Variants in KIAA1549L observed in about 807,000 individuals in gnomAD.
KIAA1549L encodes KIAA1549 like, also known as UPF0606 protein KIAA1549L.
In KIAA1549L, 88 loss-of-function variants were observed where a neutral mutation model predicts 160.7. The observed-to-expected ratio is 0.55, with a 90% CI of 0.46 to 0.65. The LOEUF (loss-of-function observed/expected upper bound fraction) is 0.65. KIAA1549L is among the 30% of genes least tolerant of loss of function. The pLI, the probability that KIAA1549L is intolerant of heterozygous loss-of-function variation, is 0.00. For synonymous variants in KIAA1549L, 950 were observed against 976.7 expected (o/e 0.97, Z 0.51); for missense variants, 2,258 against 2,437.5 (o/e 0.93, Z 1.55).
rs773237989 is a variant in KIAA1549L, at chr11:33,598,925, G to C, written c.4857G>C (p.Lys1619Asn). 10 of 1,613,550 alleles carry C rather than the reference G, an allele frequency of 6.2e-6. No homozygotes were observed. The highest frequency in any genetic ancestry group is 3.3e-5 in the Admixed American group (2 of 60,000). ...TAATGGCACAGCAGAAAGTGACAAA[G>C]GAGGAGGCAAGGAAGAGAAATGGTG... ...QNVMAQQKVT[K>N]EEARKRNVPA... is the part of the protein sequence containing the mutation. Residue 1619 changes from lysine to asparagine, a missense_variant, in exon 13 of 21, where the codon AAG becomes AAC. This residue lies in a region of KIAA1549L where 1,359 missense variants were observed against 1,546.6 expected (regional missense o/e 0.88). Transcript: ENST00000658780.
At chr11:33,568,937 C>T (rs1022551855) in intron 9 of KIAA1549L, among the ~76,000 whole-genome samples, 17 of 152,334 alleles carry the variant, frequency 1.1e-4, no homozygotes, top group African/African-American at 4.1e-4. Flanking sequence ...GTTCTCTTGG[C>T]TGGGAGAATT....
intron 1 of KIAA1549L, among the ~76,000 whole-genome samples, chr11:33,466,363 G>T (rs1200705014): frequency 1.3e-5 from 2 of 152,142 alleles, no homozygotes; most frequent in African/African-American, 4.8e-5. Flanking sequence ...AGACATATGA[G>T]AAAATGCTCA....
At chr11:33,653,991 T>TTG (rs1361496992) in intron 17 of KIAA1549L, among the ~76,000 whole-genome samples, 5 of 150,218 alleles carry the variant, frequency 3.3e-5, no homozygotes, top group East Asian at 2.0e-4. Context: ...TTATTATTTT[T>TTG]AGACGGAGTC....
intron 11 of KIAA1549L, among the ~76,000 whole-genome samples, chr11:33,590,363 C>T (rs1037196298): frequency 3.3e-5 from 5 of 152,206 alleles, no homozygotes; most frequent in African/African-American, 1.2e-4. Flanking sequence ...CACTTTTACC[C>T]ACCACACTGT....
At chr11:33,518,526 T>C (rs966941295) in intron 1 of KIAA1549L, among the ~76,000 whole-genome samples, 1 of 152,224 alleles carries the variant, frequency 6.6e-6, no homozygotes, top group African/African-American at 2.4e-5. Flanking sequence ...TTTGTGTTCA[T>C]CTGTTCTTTT....
intron 1 of KIAA1549L, among the ~76,000 whole-genome samples, chr11:33,537,184 C>CT (rs1853914297): frequency 6.6e-6 from 1 of 152,214 alleles, no homozygotes; most frequent in Admixed American, 6.5e-5. Flanking sequence ...TCCCTACCCT[C>CT]TTTGCTTGGT....
chr11:33,511,973 A>G (rs1337353370), intron 1 of KIAA1549L, among the ~76,000 whole-genome samples: 1 of 152,194 alleles, frequency 6.6e-6, no homozygotes, highest in African/African-American at 2.4e-5. Context: ...GTTGAAAGTG[A>G]TCATTTATCT....
At chr11:33,570,470 G>A (rs1855215526) in intron 9 of KIAA1549L, among the ~76,000 whole-genome samples, 1 of 152,120 alleles carries the variant, frequency 6.6e-6, no homozygotes, top group Non-Finnish European at 1.5e-5. Context: ...TTGCTATTAA[G>A]TTGAAACTGA....
At chr11:33,380,392 T>C (rs1368470424) in intron 1 of KIAA1549L, among the ~76,000 whole-genome samples, 1 of 152,168 alleles carries the variant, frequency 6.6e-6, no homozygotes, top group East Asian at 1.9e-4. Context: ...ACTGCTTTAT[T>C]AAGGGAATAT....
chr11:33,656,152 A>C, intron 18 of KIAA1549L, 43 bp downstream of exon 18: 2 of 1,485,510 alleles, frequency 1.3e-6, no homozygotes, highest in Non-Finnish European at 1.9e-6. Flanking sequence ...TATTTGGAAA[A>C]GGGTCAGTCC....
At chr11:33,631,093 C>G (rs1234435763) in intron 16 of KIAA1549L, among the ~76,000 whole-genome samples, 1 of 152,190 alleles carries the variant, frequency 6.6e-6, no homozygotes, top group African/African-American at 2.4e-5. Context: ...CTGCCCAGTA[C>G]TGTCTCCATT....
chr11:33,627,982 T>G (rs1335201704), intron 16 of KIAA1549L, among the ~76,000 whole-genome samples: 1 of 152,090 alleles, frequency 6.6e-6, no homozygotes, highest in Non-Finnish European at 1.5e-5. Flanking sequence ...TCTGGTATGT[T>G]GTGTCTTTGT....
At chr11:33,528,319 A>G (rs1237167657) in intron 1 of KIAA1549L, among the ~76,000 whole-genome samples, 4 of 152,218 alleles carry the variant, frequency 2.6e-5, no homozygotes, top group Non-Finnish European at 5.9e-5. Context: ...TAAAAAATCA[A>G]AACATAAGAA....
intron 1 of KIAA1549L, among the ~76,000 whole-genome samples, chr11:33,415,641 C>A (rs1438498582): frequency 6.6e-6 from 1 of 152,106 alleles, no homozygotes; most frequent in Non-Finnish European, 1.5e-5. Flanking sequence ...CTGTACTGCG[C>A]AGGTGGATAC....
intron 8 of KIAA1549L, among the ~76,000 whole-genome samples, chr11:33,565,042 G>T (rs560111767): frequency 3.3e-4 from 51 of 152,274 alleles, no homozygotes; most frequent in African/African-American, 1.2e-3. Context: ...GCTGAGTCAC[G>T]GGTGGCCAAG....
chr11:33,536,272 G>A (rs973886648), intron 1 of KIAA1549L, among the ~76,000 whole-genome samples: 5 of 152,236 alleles, frequency 3.3e-5, no homozygotes, highest in African/African-American at 9.6e-5. Flanking sequence ...GCACAGTGCG[G>A]ATGGCTTTTC....
At chr11:33,390,255 G>T (rs558162631) in intron 1 of KIAA1549L, among the ~76,000 whole-genome samples, 8 of 152,142 alleles carry the variant, frequency 5.3e-5, no homozygotes, top group Admixed American at 1.3e-4. Flanking sequence ...TCATGATATT[G>T]CCCTCCAGGA....
intron 1 of KIAA1549L, among the ~76,000 whole-genome samples, chr11:33,504,186 G>GGGAGGT (rs1853023899): frequency 1.3e-5 from 2 of 152,070 alleles, no homozygotes; most frequent in African/African-American, 4.8e-5. Flanking sequence ...GCTCGAACCG[G>GGGAGGT]GGAGGTGGAG....
chr11:33,527,584 GA>G (rs751128103), intron 1 of KIAA1549L, among the ~76,000 whole-genome samples: 1 of 152,130 alleles, frequency 6.6e-6, no homozygotes, highest in South Asian at 2.1e-4. Flanking sequence ...AAGATAAATA[GA>G]TAGGACCTAA....
Sources: allele counts gnomAD v4.1 joint callset (sites outside exome capture counted in the v4.1 genomes callset), GRCh38; gene constraint gnomAD v4.1.1; regional missense constraint gnomAD v4.1.1; transcripts MANE v1.5; gene names NCBI Gene and HGNC (gene_info 2026-07-23, HGNC 2026-07-21).